The following RAB6A variants were observed in gnomAD, a reference collection of about 807,000 sequenced individuals.
RAB6A encodes the protein ras-related protein Rab-6A.
In RAB6A, 8 loss-of-function variants were observed where a neutral mutation model predicts 32.3. That is an observed-to-expected ratio of 0.25 (90% CI 0.15 to 0.45). RAB6A has a LOEUF of 0.45. Ranked by LOEUF, RAB6A falls within the 20% of genes least tolerant of loss-of-function variation. The pLI, the probability that RAB6A is intolerant of heterozygous loss-of-function variation, is 1.00. For missense variants in RAB6A, 104 were observed against 249.4 expected, an observed-to-expected ratio of 0.42 and a Z score of 3.93; for synonymous variants, 73 against 82.1, an observed-to-expected ratio of 0.89 and a Z score of 0.60.
intron 1 of RAB6A, among the ~76,000 whole-genome samples, chr11:73,755,946 A>G (rs921994272): frequency 6.6e-6 from 1 of 152,054 alleles, no homozygotes; most frequent in Non-Finnish European, 1.5e-5. Flanking sequence ...AGGAAGAAGA[A>G]CAACAATAAC....
chr11:73,732,382 T>C (rs1351021047), intron 1 of RAB6A, among the ~76,000 whole-genome samples: 2 of 151,824 alleles, frequency 1.3e-5, no homozygotes, highest in Non-Finnish European at 2.9e-5. Flanking sequence ...GTCAGGAGAT[T>C]GAGACCATCC....
At chr11:73,678,907 G>A (rs1945311449) in intron 7 of RAB6A, among the ~76,000 whole-genome samples, 1 of 151,560 alleles carries the variant, frequency 6.6e-6, no homozygotes, top group African/African-American at 2.4e-5. Flanking sequence ...TTTATTTTTA[G>A]TAGAGACAAG....
intron 5 of RAB6A, among the ~76,000 whole-genome samples, chr11:73,708,431 A>G (rs972551342): frequency 5.3e-5 from 8 of 152,208 alleles, no homozygotes; most frequent in Non-Finnish European, 1.0e-4. Flanking sequence ...AGCCTACCAA[A>G]GTGCTGGGAT....
At chr11:73,744,467 C>T (rs1436239189) in intron 1 of RAB6A, among the ~76,000 whole-genome samples, 2 of 124,644 alleles carry the variant, frequency 1.6e-5, no homozygotes, top group Non-Finnish European at 1.6e-5. Context: ...ACTGTGATGA[C>T]ACCACTGCAC....
chr11:73,759,106 A>T (rs1027112505), intron 1 of RAB6A, among the ~76,000 whole-genome samples: 1 of 152,206 alleles, frequency 6.6e-6, no homozygotes, highest in African/African-American at 2.4e-5. Context: ...TCAAAGTAGT[A>T]ATAAAAGCTA....
chr11:73,694,521 T>C (rs7123598), intron 6 of RAB6A, among the ~76,000 whole-genome samples: 46,088 of 152,138 alleles, frequency 0.3, 7,423 homozygotes, highest in African/African-American at 0.43. Context: ...AGAATTTGTT[T>C]TGTAAAATAC....
At chr11:73,693,141 A>G (rs1479184517) in intron 6 of RAB6A, among the ~76,000 whole-genome samples, 1 of 151,854 alleles carries the variant, frequency 6.6e-6, no homozygotes, top group African/African-American at 2.4e-5. Context: ...TACAAAAATT[A>G]GCCATGCGTG....
chr11:73,717,165 C>T (rs888332534), intron 4 of RAB6A, among the ~76,000 whole-genome samples: 15 of 152,110 alleles, frequency 9.9e-5, no homozygotes, highest in African/African-American at 3.6e-4. Context: ...GCATATAGCA[C>T]CTATCTCAAA....
At chr11:73,731,686 ATATATAT>A (rs1946305924) in intron 1 of RAB6A, among the ~76,000 whole-genome samples, 888 of 27,552 alleles carry the variant, frequency 0.032, 53 homozygotes, top group Non-Finnish European at 0.046. Flanking sequence ...GATAGATATT[ATATATAT>A]ATATATATAT....
chr11:73,746,893 C>T (rs538905462), intron 1 of RAB6A, among the ~76,000 whole-genome samples: 3 of 152,304 alleles, frequency 2.0e-5, no homozygotes, highest in Admixed American at 6.5e-5. Context: ...AATTTCCTCA[C>T]GGTAAAATCA....
At chr11:73,711,286 G>A (rs1945953727) in intron 5 of RAB6A, among the ~76,000 whole-genome samples, 1 of 151,872 alleles carries the variant, frequency 6.6e-6, no homozygotes, top group Non-Finnish European at 1.5e-5. Context: ...TGGCAGCCCA[G>A]TAGGGTCCTC....
intron 2 of RAB6A, among the ~76,000 whole-genome samples, chr11:73,722,845 C>T (rs1393178661): frequency 1.3e-5 from 2 of 152,138 alleles, no homozygotes; most frequent in South Asian, 2.1e-4. Flanking sequence ...CTCGCTCAGT[C>T]GCCCAGGCTG....
At chr11:73,685,438 G>C (rs1166795892) in intron 6 of RAB6A, among the ~76,000 whole-genome samples, 1 of 151,282 alleles carries the variant, frequency 6.6e-6, no homozygotes, top group African/African-American at 2.4e-5. Flanking sequence ...ACAGGTGCCT[G>C]TGCCACACCC....
At position 73,708,467 on chromosome 11, in the gene RAB6A, C is replaced by A. The variant is rs181174393; in HGVS notation, c.402-954G>T. On this transcript the variant is annotated intron_variant, in intron 5 of 7. Transcript: ENST00000336083. Reference sequence around the variant, plus strand: ...TAGAGGCGTGAGCCACCGTGCCCAGCCGATTTTGTGGATTTCTGTAAGTGA... The same window carrying A: ...TAGAGGCGTGAGCCACCGTGCCCAGACGATTTTGTGGATTTCTGTAAGTGA... Among the ~76,000 whole-genome samples the A allele has an allele frequency of 1.9e-3, 291 of 152,184 alleles. 1 individual carries two copies. Among genetic ancestry groups the A allele is most frequent in the African/African-American group, 6.4e-3 (267 of 41,510 alleles).
intron 6 of RAB6A, among the ~76,000 whole-genome samples, chr11:73,686,978 G>A (rs1945467545): frequency 1.3e-5 from 2 of 151,740 alleles, no homozygotes; most frequent in South Asian, 4.1e-4. Context: ...CAACCCACGT[G>A]CTATATATGT....
intron 1 of RAB6A, among the ~76,000 whole-genome samples, chr11:73,744,796 G>A (rs1311511098): frequency 6.6e-6 from 1 of 151,902 alleles, no homozygotes; most frequent in Non-Finnish European, 1.5e-5. Context: ...CCAACATGGT[G>A]AAACCCCATC....
At chr11:73,735,488 G>A (rs947863232) in intron 1 of RAB6A, among the ~76,000 whole-genome samples, 1 of 152,142 alleles carries the variant, frequency 6.6e-6, no homozygotes, top group Non-Finnish European at 1.5e-5. Context: ...AAGTACAAGA[G>A]CATGTTGTGA....
intron 7 of RAB6A, 53 bp downstream of exon 7, chr11:73,679,601 C>A: frequency 6.3e-7 from 1 of 1,596,536 alleles, no homozygotes; most frequent in Non-Finnish European, 8.6e-7. Flanking sequence ...GCAAGCAGGG[C>A]TCTAAAGACT....
intron 6 of RAB6A, among the ~76,000 whole-genome samples, chr11:73,690,905 A>AG (rs1945546620): frequency 6.9e-6 from 1 of 145,562 alleles, no homozygotes; most frequent in South Asian, 2.2e-4. Flanking sequence ...AAAAAAAAAA[A>AG]CCCAAAACAC....
Sources: gnomAD v4.1 joint callset for allele counts (sites outside exome capture counted in the v4.1 genomes callset) on GRCh38, gnomAD v4.1.1 for gene constraint, MANE v1.5 for transcripts, NCBI Gene and HGNC (gene_info 2026-07-23, HGNC 2026-07-21) for gene names.